Variants in ATP5MC2 observed in about 807,000 individuals in gnomAD.
ATP5MC2 encodes the protein ATP synthase F(0) complex subunit C2, mitochondrial.
ATP5MC2 carries 11 observed loss-of-function variants against 13.5 expected under a neutral mutation model. The ratio of observed to expected loss-of-function variants is 0.81; its 90% confidence interval spans 0.51 to 1.35. ATP5MC2 has a LOEUF of 1.35. ATP5MC2 is among the 40% of genes most tolerant of loss of function. The probability of loss-of-function intolerance (pLI) is 0.00; values close to 1 mark genes in which losing one functional copy is unlikely to be tolerated. For missense variants in ATP5MC2, 132 were observed against 175.0 expected, an observed-to-expected ratio of 0.75 and a Z score of 1.39; for synonymous variants, 64 against 69.7, an observed-to-expected ratio of 0.92 and a Z score of 0.41.
At chr12:53,670,179 C>T in intron 2 of ATP5MC2, 1 of 561,034 alleles carries the variant, frequency 1.8e-6, no homozygotes, top group South Asian at 1.6e-5. Context: ...AGAAAGTCTA[C>T]TTCCTTTGGG....
Sources: allele counts gnomAD v4.1 joint callset, GRCh38; gene constraint gnomAD v4.1.1; transcripts MANE v1.5; gene names NCBI Gene and HGNC (gene_info 2026-07-23, HGNC 2026-07-21).